Variants in CUL1 observed in about 807,000 individuals in gnomAD.
CUL1 encodes the protein cullin 1, also known as cullin-1.
CUL1 carries 24 observed loss-of-function variants against 118.0 expected under a neutral mutation model. The observed-to-expected ratio is 0.20, with a 90% CI of 0.15 to 0.29. The LOEUF (loss-of-function observed/expected upper bound fraction) is 0.29. Ranked by LOEUF, CUL1 falls within the 10% of genes least tolerant of loss-of-function variation. CUL1 has a pLI of 1.00. For missense variants in CUL1, 361 were observed against 933.8 expected (o/e 0.39, Z 7.99); for synonymous variants, 332 against 340.4 (o/e 0.98, Z 0.27).
At chr7:148,763,002 C>G (rs961013488) in intron 7 of CUL1, among the ~76,000 whole-genome samples, 5 of 152,120 alleles carry the variant, frequency 3.3e-5, no homozygotes, top group Admixed American at 2.0e-4. Context: ...CAAAAATTAG[C>G]CAAGTGTGGT....
At chr7:148,710,637 A>G (rs976321636) in intron 1 of CUL1, among the ~76,000 whole-genome samples, 2 of 151,880 alleles carry the variant, frequency 1.3e-5, no homozygotes, top group Non-Finnish European at 1.5e-5. Context: ...AGTGAAGCTG[A>G]TGCTACAGGT....
chr7:148,754,340 G>A (rs1310846994), intron 3 of CUL1, among the ~76,000 whole-genome samples, 190 bp downstream of exon 3: 1 of 152,018 alleles, frequency 6.6e-6, no homozygotes, highest in Non-Finnish European at 1.5e-5. Flanking sequence ...TATATTCTAG[G>A]GTTTTGTTTT....
intron 1 of CUL1, among the ~76,000 whole-genome samples, chr7:148,707,923 G>A (rs538173549): frequency 6.6e-6 from 1 of 152,276 alleles, no homozygotes; most frequent in East Asian, 1.9e-4. Context: ...AGGAGTTTAG[G>A]AAGCATCACC....
In CUL1 at chr7:148,800,686, T is replaced by C; in HGVS notation, c.*104T>C. The stretch of plus-strand genomic sequence containing the variant: ...GCAGCCAGCCTGCCGCCATTGGACC[T>C]CCCTTTTAAAAACTGAGACCAAGAC... On this transcript the variant is annotated 3_prime_UTR_variant, in exon 22 of 22. Coordinates refer to ENST00000325222, the MANE Select transcript of CUL1 (RefSeq NM_003592.3). The surrounding 1 kb of genome is among the most constrained non-coding windows in gnomAD (Gnocchi z 4.6). 1 of 863,508 alleles carries C rather than the reference T, an allele frequency of 1.2e-6. No homozygotes were observed. 53.5% of individuals were successfully genotyped at this position (863,508 alleles called of 1,614,324 possible). A position where few individuals can be genotyped will look rare whatever the true frequency, so the allele number is the denominator to read the frequency against.
intron 1 of CUL1, among the ~76,000 whole-genome samples, chr7:148,726,663 C>T (rs1228532797): frequency 6.6e-6 from 1 of 151,986 alleles, no homozygotes; most frequent in Non-Finnish European, 1.5e-5. Context: ...AGAAGCTTGC[C>T]AAGTTTGATT....
chr7:148,759,449 A>T, intron 5 of CUL1, 95 bp downstream of exon 5: 1 of 1,440,998 alleles, frequency 6.9e-7, no homozygotes, highest in Non-Finnish European at 9.8e-7. Flanking sequence ...GGATTATCCC[A>T]TCTTACATTG....
chr7:148,794,169 A>T (rs1420006457), intron 17 of CUL1, among the ~76,000 whole-genome samples: 1 of 151,826 alleles, frequency 6.6e-6, no homozygotes. Flanking sequence ...TATGTAATTT[A>T]CAAATGTTTT....
At position 148,765,519 on chromosome 7, in the gene CUL1, G is replaced by A. The variant is rs140495510; in HGVS notation, c.790-1042G>A. On this transcript the variant is annotated intron_variant, in intron 7 of 21. Coordinates refer to ENST00000325222, the MANE Select transcript of CUL1 (RefSeq NM_003592.3). ...GCGGCATGCACCTGTAGTCCCAGCT[G>A]CACAGGGAGGCTGAGGCAGGAGGAT... Among the ~76,000 whole-genome samples, 985 of 152,198 alleles carry A rather than the reference G, an allele frequency of 6.5e-3. 16 individuals carry two copies. The highest frequency in any genetic ancestry group is 0.022 in the African/African-American group (926 of 41,512).
At position 148,800,677 on chromosome 7, in the gene CUL1, C is replaced by T. The variant is rs1260640623; in HGVS notation, c.*95C>T. ...AAGTTCATAGCAGCCAGCCTGCCGC[C>T]ATTGGACCTCCCTTTTAAAAACTGA... is the stretch of plus-strand genomic sequence containing the variant. On this transcript the variant is annotated 3_prime_UTR_variant, in exon 22 of 22. Transcript: ENST00000325222. This position sits in a 1 kb window ranked among gnomAD's most constrained non-coding sequence, Gnocchi z 4.6. 1 of 924,020 alleles carries T rather than the reference C, an allele frequency of 1.1e-6. No individual in the cohort carries two copies. Among genetic ancestry groups the T allele is most frequent in the South Asian group, 1.5e-5 (1 of 66,330 alleles). 57.2% of individuals were successfully genotyped at this position (924,020 alleles called of 1,614,324 possible).
chr7:148,731,458 A>G (rs755937803), intron 2 of CUL1, among the ~76,000 whole-genome samples: 4 of 152,240 alleles, frequency 2.6e-5, no homozygotes, highest in Non-Finnish European at 5.9e-5. Context: ...TTAGCATAAA[A>G]TGTGTGTTTG....
At position 148,790,909 on chromosome 7, in the gene CUL1, A is replaced by G. The variant is rs150668729; in HGVS notation, c.1806+468A>G. ...CAACCTAATTTATACCTATGTAACT[A>G]AGAATATTTCCATTTCTTAGAGGAG... is the stretch of plus-strand genomic sequence containing the variant. On this transcript the variant is annotated intron_variant, in intron 16 of 21. Transcript: ENST00000325222. 3.1e-3 allele frequency among the ~76,000 whole-genome samples: 471 copies of G among 152,324 alleles called. 1 individual carries two copies. Among genetic ancestry groups the G allele is most frequent in the African/African-American group, 0.011 (440 of 41,576 alleles).
chr7:148,753,643 T>C (rs1186723098), intron 2 of CUL1, among the ~76,000 whole-genome samples: 1 of 152,228 alleles, frequency 6.6e-6, no homozygotes, highest in Non-Finnish European at 1.5e-5. Context: ...AGTCAGTAAT[T>C]GCATTTTTCT....
At position 148,799,392 on chromosome 7, in the gene CUL1, C is replaced by G. The variant is rs1429956318; in HGVS notation, c.2250+4C>G. On this transcript the variant is annotated splice_donor_region_variant and intron_variant, in intron 21 of 21. Coordinates refer to ENST00000325222, the MANE Select transcript of CUL1 (RefSeq NM_003592.3). ...ACCTCGAGTCCCTGTGATCAAGGTA[C>G]AGGACTTTACATAGCAGTCACATTC... 6.4e-7 allele frequency: 1 copy of G among 1,563,518 alleles called. No individual in the cohort carries two copies. The highest frequency in any genetic ancestry group is 8.8e-7 in the Non-Finnish European group (1 of 1,135,320).
At chr7:148,786,132 T>G (rs1229691386) in intron 11 of CUL1, among the ~76,000 whole-genome samples, 1 of 152,204 alleles carries the variant, frequency 6.6e-6, no homozygotes, top group African/African-American at 2.4e-5. Flanking sequence ...TTTAAACCCC[T>G]TCATCATCTT....
At chr7:148,743,460 T>C (rs557694188) in intron 2 of CUL1, among the ~76,000 whole-genome samples, 1 of 152,360 alleles carries the variant, frequency 6.6e-6, no homozygotes, top group African/African-American at 2.4e-5. Context: ...TTTACCAGTA[T>C]ACCACTGGGT....
intron 2 of CUL1, among the ~76,000 whole-genome samples, chr7:148,740,202 G>T (rs1799098159): frequency 6.6e-6 from 1 of 151,942 alleles, no homozygotes; most frequent in African/African-American, 2.4e-5. Context: ...ACAGACGCAC[G>T]CCACCACGCC....
intron 7 of CUL1, among the ~76,000 whole-genome samples, chr7:148,760,717 A>G (rs1450102855): frequency 1.3e-5 from 2 of 152,238 alleles, no homozygotes; most frequent in Non-Finnish European, 2.9e-5. Context: ...TTCTAAGGAT[A>G]TAACCACAAT....
chr7:148,786,665 T>C, intron 12 of CUL1, 66 bp downstream of exon 12: 1 of 1,314,836 alleles, frequency 7.6e-7, no homozygotes, highest in East Asian at 2.3e-5. Flanking sequence ...TGTAATGTTA[T>C]TTGTAGATGG....
At chr7:148,795,060 T>C (rs550600614) in intron 17 of CUL1, among the ~76,000 whole-genome samples, 2 of 152,298 alleles carry the variant, frequency 1.3e-5, no homozygotes, top group East Asian at 3.9e-4. Context: ...CTTGAACTCC[T>C]GACCTCAAGT....
Sources: gnomAD v4.1 joint callset for allele counts (sites outside exome capture counted in the v4.1 genomes callset) on GRCh38, gnomAD v4.1.1 for gene constraint, Gnocchi (gnomAD v3.1) non-coding constraint, MANE v1.5 for transcripts, NCBI Gene and HGNC (gene_info 2026-07-23, HGNC 2026-07-21) for gene names.